Variants in SHTN1 observed in about 807,000 individuals in gnomAD.
The protein encoded by SHTN1 is shootin 1.
In SHTN1, 42 loss-of-function variants were observed where a neutral mutation model predicts 83.1. The observed-to-expected ratio is 0.51, with a 90% CI of 0.39 to 0.65. SHTN1 has a LOEUF of 0.65. Among genes scored for constraint, SHTN1 ranks in the 30% least tolerant of loss-of-function variants. The pLI, the probability that SHTN1 is intolerant of heterozygous loss-of-function variation, is 0.00. For missense variants in SHTN1, 622 were observed against 737.8 expected, an observed-to-expected ratio of 0.84 and a Z score of 1.82; for synonymous variants, 224 against 247.7, an observed-to-expected ratio of 0.90 and a Z score of 0.90.
chr10:117,072,179 G>A (rs1853090478), intron 1 of SHTN1, among the ~76,000 whole-genome samples: 1 of 152,172 alleles, frequency 6.6e-6, no homozygotes, highest in South Asian at 2.1e-4. Context: ...TTTCTCCTGT[G>A]CTGGATGCTT....
intron 1 of SHTN1, among the ~76,000 whole-genome samples, chr10:117,122,006 T>C (rs1278422413): frequency 6.6e-6 from 1 of 152,094 alleles, no homozygotes; most frequent in Non-Finnish European, 1.5e-5. Context: ...CACTCCAGCC[T>C]GGGCGACACA....
At chr10:117,018,561 T>C (rs1165539987) in intron 2 of SHTN1, among the ~76,000 whole-genome samples, 3 of 133,292 alleles carry the variant, frequency 2.3e-5, no homozygotes, top group African/African-American at 7.8e-5. Context: ...GGATGTCTGC[T>C]CTCACCATTT....
In SHTN1 at chr10:116,886,130, A is replaced by G; in HGVS notation, c.*214T>C. 1 of 619,418 alleles carries G rather than the reference A, an allele frequency of 1.6e-6. No homozygotes were observed. The highest frequency in any genetic ancestry group is 2.7e-6 in the Non-Finnish European group (1 of 371,742). 38.4% of individuals were successfully genotyped at this position (619,418 alleles called of 1,614,324 possible). On this transcript the variant is annotated 3_prime_UTR_variant, in exon 17 of 17. Transcript: ENST00000355371. ...TAGGAAAAAAACCTCATCTTTATAAAGATCAAAAAACCAAAACCTACTAGG... is the reference window on the plus strand; with the variant it reads ...TAGGAAAAAAACCTCATCTTTATAAGGATCAAAAAACCAAAACCTACTAGG...
At chr10:117,099,063 T>TA (rs1398640186) in intron 1 of SHTN1, among the ~76,000 whole-genome samples, 3 of 130,892 alleles carry the variant, frequency 2.3e-5, no homozygotes, top group Admixed American at 7.4e-5. Flanking sequence ...AGGAACAAAA[T>TA]AATGTCTTTT....
At chr10:116,986,785 G>T (rs947062071) in intron 1 of SHTN1, among the ~76,000 whole-genome samples, 18 of 143,642 alleles carry the variant, frequency 1.3e-4, no homozygotes, top group African/African-American at 4.8e-4. Flanking sequence ...GTGTAGCAGT[G>T]CAGTGCGATC....
At chr10:117,021,513 A>G (rs1326685633) in intron 2 of SHTN1, among the ~76,000 whole-genome samples, 1 of 152,218 alleles carries the variant, frequency 6.6e-6, no homozygotes, top group Non-Finnish European at 1.5e-5. Flanking sequence ...AAATTTTCAT[A>G]CCATAAAATT....
At chr10:116,893,952 A>G (rs1043877352) in intron 16 of SHTN1, among the ~76,000 whole-genome samples, 4 of 152,246 alleles carry the variant, frequency 2.6e-5, no homozygotes, top group Non-Finnish European at 5.9e-5. Context: ...CAGTAAATTA[A>G]AAAGCAGTAC....
intron 2 of SHTN1, among the ~76,000 whole-genome samples, chr10:117,020,924 G>A (rs1852251096): frequency 6.6e-6 from 1 of 151,650 alleles, no homozygotes; most frequent in Non-Finnish European, 1.5e-5. Flanking sequence ...CAGTATCTAG[G>A]ACATATAAAG....
At chr10:117,003,505 C>A (rs2133544240) in intron 1 of SHTN1, among the ~76,000 whole-genome samples, 1 of 151,816 alleles carries the variant, frequency 6.6e-6, no homozygotes, top group Admixed American at 6.6e-5. Context: ...ACACAGTAAA[C>A]AGTAATGTTG....
At chr10:116,936,668 G>A (rs1454636370) in intron 9 of SHTN1, among the ~76,000 whole-genome samples, 1 of 152,154 alleles carries the variant, frequency 6.6e-6, no homozygotes, top group African/African-American at 2.4e-5. Context: ...GAGGTCTGTA[G>A]ATGTCTATTA....
Position 116,905,265 on chromosome 10 carries a change from G to A in SHTN1, c.1480+1362C>T, listed in dbSNP as rs1165323798. Among the ~76,000 whole-genome samples, 9 of 150,448 alleles carry A rather than the reference G, an allele frequency of 6.0e-5. No homozygotes were observed. The South Asian group carries it at 1.9e-3, about 32-fold the overall frequency. On this transcript the variant is annotated intron_variant, in intron 15 of 16. Transcript: ENST00000355371. The stretch of plus-strand genomic sequence containing the variant: ...TACATGAGCACTTTAAGGCTGAAAC[G>A]ATGAAAAGGATGACTCAAGCACTGA...
chr10:117,042,922 C>G (rs183606020), intron 2 of SHTN1, among the ~76,000 whole-genome samples: 313 of 152,114 alleles, frequency 2.1e-3, no homozygotes, highest in Non-Finnish European at 3.3e-3. Context: ...GGCCCTTTTT[C>G]TATTCTATTA....
At chr10:117,097,859 T>TCA (rs1853528207) in intron 1 of SHTN1, among the ~76,000 whole-genome samples, 1 of 152,180 alleles carries the variant, frequency 6.6e-6, no homozygotes, top group African/African-American at 2.4e-5. Flanking sequence ...TTACCTCTAA[T>TCA]ATCTTTGTTG....
intron 13 of SHTN1, among the ~76,000 whole-genome samples, chr10:116,914,367 G>A (rs1340434834): frequency 2.0e-5 from 3 of 152,122 alleles, no homozygotes; most frequent in Non-Finnish European, 4.4e-5. Context: ...AGCTACTTGG[G>A]AGGCTGAGGC....
intron 1 of SHTN1, among the ~76,000 whole-genome samples, chr10:117,100,580 G>A (rs1455120066): frequency 1.3e-5 from 2 of 151,964 alleles, no homozygotes; most frequent in African/African-American, 4.8e-5. Flanking sequence ...TACATACCCA[G>A]CCTGCATGTA....
At chr10:117,120,429 T>C (rs1049753319) in intron 1 of SHTN1, among the ~76,000 whole-genome samples, 6 of 152,030 alleles carry the variant, frequency 3.9e-5, no homozygotes, top group African/African-American at 1.4e-4. Flanking sequence ...TTTGTATTTT[T>C]AGTAGAGACG....
intron 1 of SHTN1, among the ~76,000 whole-genome samples, chr10:117,106,379 C>T (rs1481649996): frequency 1.3e-5 from 2 of 150,656 alleles, no homozygotes; most frequent in Admixed American, 6.6e-5. Context: ...TGCTTGAACC[C>T]GGGAGGCGGA....
At chr10:117,040,520 G>C (rs890633292) in intron 2 of SHTN1, among the ~76,000 whole-genome samples, 2 of 152,180 alleles carry the variant, frequency 1.3e-5, no homozygotes, top group African/African-American at 2.4e-5. Flanking sequence ...AAAAGAATGT[G>C]TAAATATTGG....
intron 1 of SHTN1, among the ~76,000 whole-genome samples, chr10:117,076,452 C>T (rs1189647030): frequency 6.6e-6 from 1 of 152,134 alleles, no homozygotes; most frequent in African/African-American, 2.4e-5. Context: ...ATTCACTTAT[C>T]TCTATTCCAT....
Sources: gnomAD v4.1 joint callset for allele counts (sites outside exome capture counted in the v4.1 genomes callset) on GRCh38, gnomAD v4.1.1 for gene constraint, MANE v1.5 for transcripts, NCBI Gene and HGNC (gene_info 2026-07-23, HGNC 2026-07-21) for gene names.